Variants in ZNF287 observed in about 807,000 individuals in gnomAD.
ZNF287 encodes zinc finger protein 287, also known as zinc finger protein with KRAB and SCAN domains 13.
Under a neutral mutation model 73.7 loss-of-function variants are expected in ZNF287, and 31 were observed. The observed-to-expected ratio is 0.42, with a 90% CI of 0.32 to 0.57. The LOEUF is 0.57. Ranked by LOEUF, ZNF287 falls within the 20% of genes least tolerant of loss-of-function variation. The pLI is 0.13. For synonymous variants in ZNF287, 301 were observed against 307.2 expected (o/e 0.98, Z 0.21); for missense variants, 641 against 909.3 (o/e 0.70, Z 3.79).
chr17:16,567,671 TC>T lies in ZNF287; in HGVS notation c.60del (p.Trp20Ter). Reference sequence around the variant, plus strand: ...GGTCCACTCTGAGCCTTGTCTGACTTCCACCTTAGAAGGATTTGAGAACGTG... The same window carrying T: ...GGTCCACTCTGAGCCTTGTCTGACTTCACCTTAGAAGGATTTGAGAACGTG... ...SSSRSQILLR[W>X]KSDKAQSGPY... On this transcript the variant is annotated frameshift_variant, in exon 2 of 6. Transcript: ENST00000395825. LOFTEE classifies it high-confidence loss of function. The T allele has an allele frequency of 6.2e-7, 1 of 1,614,156 alleles. No individual in the cohort carries two copies. Among genetic ancestry groups the T allele is most frequent in the Non-Finnish European group, 8.5e-7 (1 of 1,180,012 alleles).
intron 5 of ZNF287, among the ~76,000 whole-genome samples, chr17:16,555,623 C>G (rs573264149): frequency 6.6e-6 from 1 of 151,856 alleles, no homozygotes; most frequent in East Asian, 1.9e-4. Flanking sequence ...CACACACACA[C>G]ACACACACAC....
chr17:16,551,892 A>G lies in ZNF287; in HGVS notation c.2250T>C (p.His750=). 2.5e-6 allele frequency: 4 copies of G among 1,608,690 alleles called. No homozygotes were observed. Among genetic ancestry groups the G allele is most frequent in the Non-Finnish European group, 2.5e-6 (3 of 1,176,482 alleles). Residue 750 remains histidine, a synonymous_variant, in exon 6 of 6, where the codon CAT becomes CAC. Transcript: ENST00000395825. ...GTTTGGCACCTGTATGAACACGTTGATGCTGAATAAGGTTTGTACTCTGGG... is the reference window on the plus strand; with the variant it reads ...GTTTGGCACCTGTATGAACACGTTGGTGCTGAATAAGGTTTGTACTCTGGG... ...TFTQSTNLIQ[H]QRVHTGAKHR...
Position 16,552,531 on chromosome 17 carries a change from T to G in ZNF287, c.1611A>C (p.Lys537Asn). ...TAAACACTTTCCAACATTCATTGCA[T>G]TTATATGGTTTCTTCCCAGTATGTA... The part of the protein sequence containing the change: ...QKIHTGKKPY[K>N]CNECWKVFSQ... Residue 537 changes from lysine to asparagine, a missense_variant, in exon 6 of 6, where the codon AAA (lysine) becomes AAC (asparagine). Transcript: ENST00000395825. This position sits in a 1 kb window ranked among gnomAD's most constrained non-coding sequence, Gnocchi z 6.5. 6.2e-7 allele frequency: 1 copy of G among 1,614,140 alleles called. No individual in the cohort carries two copies. The highest frequency in any genetic ancestry group is 8.5e-7 in the Non-Finnish European group (1 of 1,179,988).
chr17:16,552,869 C>G lies in ZNF287; in HGVS notation c.1273G>C (p.Glu425Gln), dbSNP rs1906774882. The G allele has an allele frequency of 6.2e-7, 1 of 1,614,038 alleles. No individual in the cohort carries two copies. Among genetic ancestry groups the G allele is most frequent in the African/African-American group, 1.3e-5 (1 of 74,918 alleles). The change falls in exon 6 of 6, where the codon GAA becomes CAA. Residue 425 changes from glutamate to glutamine, a missense_variant. Physicochemically the swap from Glu to Gln is conservative, Grantham distance 29. Around this residue, in one of 2 missense-constraint regions of ZNF287, gnomAD observed 284 missense variants for 466.8 expected, o/e 0.61. Coordinates refer to ENST00000395825, the MANE Select transcript of ZNF287 (RefSeq NM_020653.4). The surrounding 1 kb of genome is among the most constrained non-coding windows in gnomAD (Gnocchi z 6.5). ...QRMHTGEKPY[E>Q]CHQCGKAFSQ... Reference sequence around the variant, plus strand: ...AAGGCTTTACCACACTGGTGGCATTCATATGGTTTTTCTCCAGTGTGCATT... The same window carrying G: ...AAGGCTTTACCACACTGGTGGCATTGATATGGTTTTTCTCCAGTGTGCATT...
intron 5 of ZNF287, among the ~76,000 whole-genome samples, chr17:16,555,259 A>G (rs1906969203): frequency 6.6e-6 from 1 of 152,068 alleles, no homozygotes; most frequent in South Asian, 2.1e-4. Context: ...CACTTCCCCT[A>G]CTTGATCTGC....
Position 16,561,848 on chromosome 17 carries a change from G to A in ZNF287, c.715+1298C>T, listed in dbSNP as rs1416732535. ...TACTGGGGAGAAAAATATCTATAAA[G>A]GATGTTTTTAGGACAGTTGGGAAAA... On this transcript the variant is annotated intron_variant, in intron 5 of 5. Transcript: ENST00000395825. Among the ~76,000 whole-genome samples, 4 of 152,106 alleles carry A rather than the reference G, an allele frequency of 2.6e-5. No homozygotes were observed. The East Asian group carries it at 7.7e-4, about 29-fold the overall frequency.
At chr17:16,560,920 G>A (rs1032954109) in intron 5 of ZNF287, among the ~76,000 whole-genome samples, 26 of 150,936 alleles carry the variant, frequency 1.7e-4, no homozygotes, top group Admixed American at 6.6e-4. Flanking sequence ...GGAGAATGGC[G>A]TGAACGTGGA....
intron 5 of ZNF287, among the ~76,000 whole-genome samples, chr17:16,561,178 G>T (rs1347271774): frequency 6.6e-6 from 1 of 152,118 alleles, no homozygotes; most frequent in Admixed American, 6.5e-5. Flanking sequence ...GCCGGGTGTG[G>T]TGGCACATGC....
At chr17:16,556,761 A>C (rs962756163) in intron 5 of ZNF287, among the ~76,000 whole-genome samples, 9 of 152,230 alleles carry the variant, frequency 5.9e-5, no homozygotes, top group Admixed American at 5.9e-4. Flanking sequence ...CAGATTGTAC[A>C]TACAACTGAA....
intron 5 of ZNF287, 56 bp downstream of exon 5, chr17:16,563,090 C>T (rs1037978024): frequency 5.2e-6 from 7 of 1,352,932 alleles, no homozygotes; most frequent in African/African-American, 4.4e-5. Context: ...TTTCTCACCA[C>T]ATTTAGGATA....
intron 5 of ZNF287, among the ~76,000 whole-genome samples, chr17:16,553,751 A>G (rs1569014864): frequency 1.3e-5 from 2 of 152,220 alleles, no homozygotes; most frequent in Non-Finnish European, 2.9e-5. Flanking sequence ...TAATTTATGT[A>G]ATGTGTTCAT....
intron 5 of ZNF287, among the ~76,000 whole-genome samples, chr17:16,562,005 C>G (rs1907478360): frequency 6.6e-6 from 1 of 152,106 alleles, no homozygotes; most frequent in South Asian, 2.1e-4. Context: ...GTCTTGATGT[C>G]TATAACTAAC....
intron 5 of ZNF287, among the ~76,000 whole-genome samples, chr17:16,555,098 G>A (rs1451454745): frequency 2.0e-5 from 3 of 152,208 alleles, no homozygotes; most frequent in Admixed American, 6.5e-5. Flanking sequence ...ATGAGGATAC[G>A]TTCTGAGAAA....
chr17:16,558,044 C>A (rs1411251663), intron 5 of ZNF287: 1 of 152,184 alleles, frequency 6.6e-6, no homozygotes, highest in African/African-American at 2.4e-5. Flanking sequence ...GCAAGTATCT[C>A]CCAGAAGACT....
chr17:16,560,508 C>T (rs2142486164), intron 5 of ZNF287, among the ~76,000 whole-genome samples: 1 of 150,998 alleles, frequency 6.6e-6, no homozygotes, highest in East Asian at 2.0e-4. Flanking sequence ...CACCACCACG[C>T]CCAGCTAATT....
In ZNF287 at chr17:16,566,624, T is replaced by C; in HGVS notation, c.404-2A>G. On this transcript the variant is annotated splice_acceptor_variant, in intron 2 of 5. Coordinates refer to ENST00000395825, the MANE Select transcript of ZNF287 (RefSeq NM_020653.4). LOFTEE classifies it high-confidence loss of function. ...GGGAAAGGGTAGAGTTTTGAGGAGC[T>C]AGAGAAGAGAAAGAGGTCATGAGGG... 6.2e-7 allele frequency: 1 copy of C among 1,608,408 alleles called. No individual in the cohort carries two copies. Among genetic ancestry groups the C allele is most frequent in the South Asian group, 1.1e-5 (1 of 90,282 alleles).
chr17:16,563,274 T>C lies in ZNF287; in HGVS notation c.629-42A>G, dbSNP rs754907878. 15 of 1,473,138 alleles carry C rather than the reference T, an allele frequency of 1.0e-5. 1 individual carries two copies. The South Asian group carries it at 1.8e-4, about 18-fold the overall frequency. The allele number at this position is 1,473,138 out of a possible 1,614,324, so 91.3% of individuals were successfully genotyped here. ...TAAAGAATTTTATCCTGGAGATAAA[T>C]GGTTGCTCAAAGTTTTATTACCAGA... On this transcript the variant is annotated intron_variant, in intron 4 of 5. Coordinates refer to ENST00000395825, the MANE Select transcript of ZNF287 (RefSeq NM_020653.4).
At chr17:16,559,003 TAATAA>T (rs895837363) in intron 5 of ZNF287, 3 of 151,306 alleles carry the variant, frequency 2.0e-5, no homozygotes, top group African/African-American at 4.9e-5. Flanking sequence ...TAAAATAAAA[TAATAA>T]AATAAAATAA....
Position 16,567,792 on chromosome 17 carries a change from G to T in ZNF287, c.-61C>A, listed in dbSNP as rs2142511872. ...TTATTTCTCCAGTAGTGAGCCAACT[G>T]CTTGAAGTCTCATGCTAGAGTCACA... On this transcript the variant is annotated 5_prime_UTR_variant, in exon 2 of 6. Transcript: ENST00000395825. The T allele has an allele frequency of 1.3e-6, 2 of 1,533,786 alleles. No homozygotes were observed. Among genetic ancestry groups the T allele is most frequent in the East Asian group, 4.5e-5 (2 of 44,308 alleles).
Sources: gnomAD v4.1 joint callset for allele counts (sites outside exome capture counted in the v4.1 genomes callset) on GRCh38, gnomAD v4.1.1 for gene constraint, gnomAD v4.1.1 regional missense constraint, Gnocchi (gnomAD v3.1) non-coding constraint, MANE v1.5 for transcripts, NCBI Gene and HGNC (gene_info 2026-07-23, HGNC 2026-07-21) for gene names.